SPAST: variants seen among roughly 807,000 people sequenced by gnomAD.
SPAST encodes spastin.
A neutral mutation model predicts 76.6 loss-of-function variants in SPAST; 30 were observed. The observed-to-expected ratio is 0.39, with a 90% CI of 0.29 to 0.53. The LOEUF (loss-of-function observed/expected upper bound fraction) is 0.53. SPAST is among the 20% of genes least tolerant of loss of function. The pLI is 0.68. For synonymous variants in SPAST, 305 were observed against 281.0 expected (o/e 1.09, Z -0.86); for missense variants, 717 against 770.5 (o/e 0.93, Z 0.82).
chr2:32,130,837 C>T (rs953675571), intron 9 of SPAST, among the ~76,000 whole-genome samples: 10 of 151,936 alleles, frequency 6.6e-5, no homozygotes, highest in East Asian at 1.9e-4. Flanking sequence ...AGTTTTGCAG[C>T]GAGAGAAACT....
chr2:32,090,994 C>G (rs892651719), intron 3 of SPAST, among the ~76,000 whole-genome samples: 1 of 151,934 alleles, frequency 6.6e-6, no homozygotes, highest in African/African-American at 2.4e-5. Flanking sequence ...CAGCATTCAT[C>G]AACTGTAATA....
intron 16 of SPAST, among the ~76,000 whole-genome samples, chr2:32,153,577 A>G (rs915965504): frequency 3.3e-5 from 5 of 151,698 alleles, no homozygotes; most frequent in Non-Finnish European, 5.9e-5. Flanking sequence ...TGGCCTCCCA[A>G]AGTGCGGGGA....
At position 32,154,549 on chromosome 2, in the gene SPAST, G is replaced by A; in HGVS notation, c.*53G>A. 6.3e-7 allele frequency: 1 copy of A among 1,575,100 alleles called. No individual in the cohort carries two copies. The highest frequency in any genetic ancestry group is 8.7e-7 in the Non-Finnish European group (1 of 1,145,418). ...ATTTTACTTAAAAGAGGAAACACAA[G>A]ATCTTCAATGAACGTCATCGGCTAC... On this transcript the variant is annotated 3_prime_UTR_variant, in exon 17 of 17. Coordinates refer to ENST00000315285, the MANE Select transcript of SPAST (RefSeq NM_014946.4).
intron 2 of SPAST, among the ~76,000 whole-genome samples, 178 bp downstream of exon 2, chr2:32,087,756 T>C (rs2148709217): frequency 6.8e-6 from 1 of 147,060 alleles, no homozygotes; most frequent in South Asian, 2.2e-4. Flanking sequence ...AGTGCAGTGA[T>C]GTGATCATAG....
intron 9 of SPAST, among the ~76,000 whole-genome samples, chr2:32,134,759 G>A (rs193163820): frequency 5.8e-4 from 89 of 152,212 alleles, no homozygotes; most frequent in African/African-American, 1.8e-3. Flanking sequence ...GCAGTTGTGC[G>A]ATCTCGGCTC....
rs767404915 is a variant in SPAST, at chr2:32,112,012, G to GTAGTAGT, written c.683-2625_683-2624insAGTAGTT. ...AGTAGTAGTAGTAGTAGTAGTAGTA[G>GTAGTAGT]TTTTTTTTTTTTTAGATGGAGCCTC... On this transcript the variant is annotated intron_variant, in intron 4 of 16. Transcript: ENST00000315285. Among the ~76,000 whole-genome samples, 26 of 94,686 alleles carry GTAGTAGT rather than the reference G, an allele frequency of 2.7e-4. No homozygotes were observed. In the East Asian group the frequency reaches 4.6e-3, roughly 17 times the overall value. The allele number at this position is 94,686 out of a possible 152,430, so 62.1% of individuals were successfully genotyped here. A position where few individuals can be genotyped will look rare whatever the true frequency, so the allele number is the denominator to read the frequency against.
intron 16 of SPAST, 64 bp from the exon 17 acceptor site, chr2:32,154,310 C>G: frequency 7.1e-7 from 1 of 1,404,444 alleles, no homozygotes; most frequent in East Asian, 2.3e-5. Flanking sequence ...TTTAATCCAT[C>G]ATTTCGTTAA....
intron 4 of SPAST, among the ~76,000 whole-genome samples, chr2:32,110,624 A>ATCG: frequency 7.3e-6 from 1 of 137,330 alleles, no homozygotes; most frequent in African/African-American, 2.8e-5. Context: ...TAGTGTATAT[A>ATCG]TAGTATATGT....
At chr2:32,076,915 G>A (rs929029545) in intron 1 of SPAST, among the ~76,000 whole-genome samples, 5 of 151,290 alleles carry the variant, frequency 3.3e-5, no homozygotes, top group East Asian at 1.9e-4. Context: ...TCGTTGTGTC[G>A]CCCAGGCTAG....
At chr2:32,102,890 T>A (rs1238653743) in intron 4 of SPAST, among the ~76,000 whole-genome samples, 1 of 152,176 alleles carries the variant, frequency 6.6e-6, no homozygotes, top group African/African-American at 2.4e-5. Context: ...TATTGAGGAT[T>A]TTTGCGTTGA....
chr2:32,115,784 G>A lies in SPAST; in HGVS notation c.953G>A (p.Arg318Lys). The A allele has an allele frequency of 6.2e-7, 1 of 1,611,946 alleles. No individual in the cohort carries two copies. The highest frequency in any genetic ancestry group is 8.5e-7 in the Non-Finnish European group (1 of 1,178,428). ...AAGAAAAAAGACTTGAAGAATTTTA[G>A]GAATGTGGACAGCAACCTTGCTAAC... Reference protein sequence around the residue: ...TRKKKDLKNFRNVDSNLANLI... With the variant: ...TRKKKDLKNFKNVDSNLANLI... Residue 318 changes from arginine to lysine, a missense_variant, in exon 6 of 17, where the codon AGG becomes AAG. Transcript: ENST00000315285.
intron 1 of SPAST, among the ~76,000 whole-genome samples, chr2:32,079,109 G>C (rs773216371): frequency 3.4e-4 from 52 of 152,222 alleles, no homozygotes; most frequent in Non-Finnish European, 5.6e-4. Context: ...CCGAAGTGTT[G>C]AGAGAACAGG....
chr2:32,109,919 C>T (rs970691058), intron 4 of SPAST, among the ~76,000 whole-genome samples: 1 of 147,586 alleles, frequency 6.8e-6, no homozygotes, highest in African/African-American at 2.5e-5. Flanking sequence ...TATATAGTTA[C>T]ATATGTATAT....
chr2:32,129,539 TG>T (rs1369840612), intron 9 of SPAST: 7 of 152,218 alleles, frequency 4.6e-5, no homozygotes, highest in Non-Finnish European at 1.0e-4. Context: ...GAGAGTAATT[TG>T]TCTGGTGTGC....
intron 16 of SPAST, among the ~76,000 whole-genome samples, chr2:32,151,794 C>T (rs1034604806): frequency 2.0e-5 from 3 of 151,956 alleles, no homozygotes; most frequent in African/African-American, 7.3e-5. Context: ...CCTGTAATCC[C>T]AGCTGCTCGG....
chr2:32,093,005 T>A (rs1302620186), intron 3 of SPAST, among the ~76,000 whole-genome samples: 1 of 92,706 alleles, frequency 1.1e-5, no homozygotes, highest in Non-Finnish European at 2.1e-5. Flanking sequence ...AGACTCCGTC[T>A]CAAAAAAAAA....
intron 1 of SPAST, among the ~76,000 whole-genome samples, chr2:32,080,236 G>A (rs1200233842): frequency 2.0e-5 from 3 of 152,098 alleles, no homozygotes; most frequent in African/African-American, 4.8e-5. Flanking sequence ...TTGGAAAAAT[G>A]TCTATTAATG....
chr2:32,089,218 T>TTTTTTTTTTTTTTTC lies in SPAST; in HGVS notation c.503-304_503-303insTTTTTTTTTTTTTTC, dbSNP rs375850129. On this transcript the variant is annotated intron_variant, in intron 2 of 16. Coordinates refer to ENST00000315285, the MANE Select transcript of SPAST (RefSeq NM_014946.4). Reference sequence around the variant, plus strand: ...CGGCTAATTTTTTTTTTTTTTTTTTTAAGTAGAGACCAGATCTCTTTATGT... The same window carrying TTTTTTTTTTTTTTTC: ...CGGCTAATTTTTTTTTTTTTTTTTTTTTTTTTTTTTTTTTCAAGTAGAGACCAGATCTCTTTATGT... Among the ~76,000 whole-genome samples the TTTTTTTTTTTTTTTC allele has an allele frequency of 2.7e-4, 35 of 129,992 alleles. 3 individuals carry two copies. The highest frequency in any genetic ancestry group is 7.7e-4 in the African/African-American group (27 of 34,890). The allele number at this position is 129,992 out of a possible 152,430, so 85.3% of individuals were successfully genotyped here.
chr2:32,093,024 G>A (rs899905186), intron 3 of SPAST, among the ~76,000 whole-genome samples: 24 of 140,874 alleles, frequency 1.7e-4, no homozygotes, highest in Non-Finnish European at 2.9e-4. Context: ...AAAAAACGCC[G>A]GGCACTGTGG....
Sources: allele counts gnomAD v4.1 joint callset (sites outside exome capture counted in the v4.1 genomes callset), GRCh38; gene constraint gnomAD v4.1.1; transcripts MANE v1.5; gene names NCBI Gene and HGNC (gene_info 2026-07-23, HGNC 2026-07-21).